The following MED13 variants were observed in gnomAD, a reference collection of about 807,000 sequenced individuals.
MED13 encodes mediator complex subunit 13.
Under a neutral mutation model 225.2 loss-of-function variants are expected in MED13, and 23 were observed. The observed-to-expected ratio is 0.10, with a 90% CI of 0.07 to 0.14. The LOEUF (loss-of-function observed/expected upper bound fraction) is 0.14. Among genes scored for constraint, MED13 ranks in the 10% least tolerant of loss-of-function variants. MED13 has a pLI of 1.00. For synonymous variants in MED13, 942 were observed against 889.2 expected (o/e 1.06, Z -1.06); for missense variants, 2,197 against 2,594.5 (o/e 0.85, Z 3.33).
Position 62,020,600 on chromosome 17 carries a change from C to T in MED13, c.1283+8941G>A, listed in dbSNP as rs542258472. 5.3e-5 allele frequency among the ~76,000 whole-genome samples: 8 copies of T among 151,128 alleles called. No homozygotes were observed. The East Asian group carries it at 1.4e-3, about 26-fold the overall frequency. ...TTCACCATGGTGGCCAGGATGGTCT[C>T]GATCTTTTGACCTCGTGATCCTCCC... On this transcript the variant is annotated intron_variant, in intron 8 of 29. Coordinates refer to ENST00000397786, the MANE Select transcript of MED13 (RefSeq NM_005121.3).
intron 17 of MED13, among the ~76,000 whole-genome samples, chr17:61,971,355 C>T (rs2080107367): frequency 6.6e-6 from 1 of 150,398 alleles, no homozygotes; most frequent in South Asian, 2.1e-4. Context: ...CGGCTCATGG[C>T]AACCTCGGCT....
intron 2 of MED13, among the ~76,000 whole-genome samples, chr17:62,053,458 A>T (rs1249352527): frequency 6.6e-6 from 1 of 152,204 alleles, no homozygotes. Flanking sequence ...TACCAAAAAA[A>T]CATTAACACA....
chr17:61,946,087 C>T lies in MED13; in HGVS notation c.*381G>A, dbSNP rs1463090184. On this transcript the variant is annotated 3_prime_UTR_variant, in exon 30 of 30. Coordinates refer to ENST00000397786, the MANE Select transcript of MED13 (RefSeq NM_005121.3). ...ACTATAATCCATACAAGAACATCTT[C>T]ATGTTCTGAAGCCATATGTTGAAAT... The T allele has an allele frequency of 1.2e-5, 2 of 162,296 alleles. No individual in the cohort carries two copies. The highest frequency in any genetic ancestry group is 4.8e-5 in the African/African-American group (2 of 41,562). 10.1% of individuals were successfully genotyped at this position (162,296 alleles called of 1,614,324 possible).
intron 3 of MED13, among the ~76,000 whole-genome samples, chr17:62,044,634 T>C (rs1476957777): frequency 1.3e-5 from 2 of 152,272 alleles, no homozygotes; most frequent in Non-Finnish European, 2.9e-5. Flanking sequence ...AATATAGACA[T>C]ACAAACACAC....
chr17:62,062,377 G>T (rs1023144453), intron 2 of MED13, among the ~76,000 whole-genome samples: 1 of 152,110 alleles, frequency 6.6e-6, no homozygotes, highest in Non-Finnish European at 1.5e-5. Context: ...TAATCACATT[G>T]ATTTGCTCAC....
intron 9 of MED13, chr17:62,003,599 C>CAAAAAAAAAAAAAAAAACAA (rs2080417403): frequency 1.9e-5 from 1 of 51,742 alleles, no homozygotes; most frequent in Non-Finnish European, 3.3e-5. Context: ...CAGCAAAACT[C>CAAAAAAAAAAAAAAAAACAA]AAAAAAAAAA....
chr17:62,040,773 C>T (rs972382088), intron 3 of MED13, among the ~76,000 whole-genome samples: 1 of 152,088 alleles, frequency 6.6e-6, no homozygotes, highest in Non-Finnish European at 1.5e-5. Context: ...GGCCGATAAA[C>T]ACATAACATG....
In MED13 at chr17:62,061,706, T is replaced by C. The variant is rs1254278789; in HGVS notation, c.301+1361A>G. On this transcript the variant is annotated intron_variant, in intron 2 of 29. Coordinates refer to ENST00000397786, the MANE Select transcript of MED13 (RefSeq NM_005121.3). ...AAAGGAGGCTGGCGGACTTAGCTTTTGGCATAATTAGAAAGTATTGTCTCG... is the reference window on the plus strand; with the variant it reads ...AAAGGAGGCTGGCGGACTTAGCTTTCGGCATAATTAGAAAGTATTGTCTCG... Among the ~76,000 whole-genome samples, 3 of 152,332 alleles carry C rather than the reference T, an allele frequency of 2.0e-5. No individual in the cohort carries two copies. In the East Asian group the frequency reaches 5.8e-4, roughly 29 times the overall value.
intron 4 of MED13, 57 bp from the exon 5 acceptor site, chr17:62,034,041 A>G (rs2080780910): frequency 6.9e-7 from 1 of 1,446,850 alleles, no homozygotes; most frequent in Non-Finnish European, 9.5e-7. Context: ...ACCAAATAAG[A>G]ACACAGTGAA....
At chr17:61,951,494 G>GT (rs2079896281) in intron 27 of MED13, among the ~76,000 whole-genome samples, 1 of 152,010 alleles carries the variant, frequency 6.6e-6, no homozygotes, top group Admixed American at 6.6e-5. Flanking sequence ...ATTAGTTAAT[G>GT]TATTTCTTGG....
At chr17:61,992,112 T>C (rs567465295) in intron 11 of MED13, among the ~76,000 whole-genome samples, 2 of 152,348 alleles carry the variant, frequency 1.3e-5, no homozygotes, top group South Asian at 4.1e-4. Context: ...GACATCAGTA[T>C]CTTTCTCCCA....
chr17:62,048,080 A>G (rs1462862035), intron 3 of MED13, among the ~76,000 whole-genome samples: 2 of 144,166 alleles, frequency 1.4e-5, no homozygotes, highest in African/African-American at 2.6e-5. Context: ...ATGTATATAT[A>G]TATCCCTGAA....
chr17:62,028,915 T>C (rs2080727689), intron 8 of MED13, among the ~76,000 whole-genome samples: 1 of 152,096 alleles, frequency 6.6e-6, no homozygotes, highest in Non-Finnish European at 1.5e-5. Flanking sequence ...CATAGCACTT[T>C]GGAAAGCCAA....
chr17:61,990,842 A>G (rs2080292125), intron 11 of MED13, among the ~76,000 whole-genome samples: 2 of 152,178 alleles, frequency 1.3e-5, no homozygotes, highest in South Asian at 4.1e-4. Flanking sequence ...TGTCCCCAAT[A>G]CCCAAACAGT....
chr17:62,029,475 G>T, intron 8 of MED13, 66 bp downstream of exon 8: 1 of 1,200,490 alleles, frequency 8.3e-7, no homozygotes, highest in Non-Finnish European at 1.2e-6. Context: ...AATAAAGTGG[G>T]CATAAGCATT....
chr17:61,992,646 G>A, intron 10 of MED13, 25 bp from the exon 11 acceptor site: 1 of 1,472,274 alleles, frequency 6.8e-7, no homozygotes, highest in Non-Finnish European at 9.5e-7. Flanking sequence ...TTCATGTTAG[G>A]CTGAAATATA....
intron 18 of MED13, among the ~76,000 whole-genome samples, 157 bp from the exon 19 acceptor site, chr17:61,966,808 A>C (rs1269423258): frequency 6.6e-6 from 1 of 152,196 alleles, no homozygotes; most frequent in African/African-American, 2.4e-5. Context: ...AAGTAGGCCA[A>C]AAAAATAAAC....
chr17:62,047,276 CAGG>C (rs2080906799), intron 3 of MED13, among the ~76,000 whole-genome samples: 1 of 152,080 alleles, frequency 6.6e-6, no homozygotes, highest in Admixed American at 6.6e-5. Context: ...GAGGCTAAGG[CAGG>C]AGAATTGCTT....
At chr17:61,949,322 C>T (rs772266492) in intron 28 of MED13, among the ~76,000 whole-genome samples, 267 of 151,476 alleles carry the variant, frequency 1.8e-3, no homozygotes, top group Non-Finnish European at 2.9e-3. Flanking sequence ...ACCTCTTGTG[C>T]TCATGCGATC....
Sources: gnomAD v4.1 joint callset for allele counts (sites outside exome capture counted in the v4.1 genomes callset) on GRCh38, gnomAD v4.1.1 for gene constraint, MANE v1.5 for transcripts, NCBI Gene and HGNC (gene_info 2026-07-23, HGNC 2026-07-21) for gene names.